Variants in USP49 observed in about 807,000 individuals in gnomAD.
The protein encoded by USP49 is ubiquitin carboxyl-terminal hydrolase 49.
In USP49, 24 loss-of-function variants were observed where a neutral mutation model predicts 58.6. That is an observed-to-expected ratio of 0.41 (90% CI 0.30 to 0.58). The LOEUF (loss-of-function observed/expected upper bound fraction) is 0.58, where lower values mean the gene tolerates loss of function less well. Ranked by LOEUF, USP49 falls within the 20% of genes least tolerant of loss-of-function variation. USP49 has a pLI of 0.30. For synonymous variants in USP49, 408 were observed against 365.1 expected (o/e 1.12, Z -1.34); for missense variants, 703 against 866.1 (o/e 0.81, Z 2.36).
At chr6:41,802,258 G>C (rs977876473) in intron 5 of USP49, among the ~76,000 whole-genome samples, 6 of 151,762 alleles carry the variant, frequency 4.0e-5, no homozygotes, top group Non-Finnish European at 8.8e-5. Context: ...CTGGCTTCAG[G>C]CAATCCTCCT....
chr6:41,824,321 G>A (rs1042582820), intron 3 of USP49, among the ~76,000 whole-genome samples: 19 of 151,906 alleles, frequency 1.3e-4, no homozygotes, highest in African/African-American at 4.4e-4. Flanking sequence ...AAATTTGAGG[G>A]TTTTTCTAAT....
chr6:41,866,983 GAA>G (rs995975662), intron 3 of USP49, among the ~76,000 whole-genome samples: 1 of 152,164 alleles, frequency 6.6e-6, no homozygotes, highest in African/African-American at 2.4e-5. Context: ...AAGATGGAGA[GAA>G]AAAGAGAAAA....
At chr6:41,885,263 CAG>C (rs1774688877) in intron 2 of USP49, among the ~76,000 whole-genome samples, 2 of 152,184 alleles carry the variant, frequency 1.3e-5, no homozygotes, top group Non-Finnish European at 2.9e-5. Flanking sequence ...GCATTCAGTG[CAG>C]AGTGACATGT....
chr6:41,807,077 T>TAA (rs11393933), intron 3 of USP49, 66 bp from the exon 4 acceptor site: 41,396 of 1,028,056 alleles, frequency 0.04, 5 homozygotes, highest in South Asian at 0.046. Context: ...ATATTTTCCT[T>TAA]AAAAAAAAAA....
intron 3 of USP49, among the ~76,000 whole-genome samples, chr6:41,871,056 T>C (rs569149765): frequency 1.0e-3 from 157 of 151,844 alleles, no homozygotes; most frequent in African/African-American, 3.6e-3. Context: ...ATCTCAAAAC[T>C]AAATAAATAA....
chr6:41,892,370 T>G (rs1056854117), intron 1 of USP49, among the ~76,000 whole-genome samples: 2 of 152,196 alleles, frequency 1.3e-5, no homozygotes, highest in African/African-American at 4.8e-5. Flanking sequence ...AAAAAGAATA[T>G]GCACACACAT....
At chr6:41,843,859 C>A (rs1231056523) in intron 3 of USP49, among the ~76,000 whole-genome samples, 1 of 152,126 alleles carries the variant, frequency 6.6e-6, no homozygotes, top group African/African-American at 2.4e-5. Flanking sequence ...GCCTGGCCAA[C>A]ATAGTGAAAC....
chr6:41,865,146 G>A (rs909594087), intron 3 of USP49, among the ~76,000 whole-genome samples: 22 of 152,116 alleles, frequency 1.4e-4, no homozygotes, highest in Admixed American at 1.3e-3. Flanking sequence ...CTGGGTTCAG[G>A]CAATTCTCCT....
At chr6:41,808,725 T>G (rs1773189520) in intron 3 of USP49, among the ~76,000 whole-genome samples, 1 of 152,052 alleles carries the variant, frequency 6.6e-6, no homozygotes, top group African/African-American at 2.4e-5. Flanking sequence ...ACAACTATTT[T>G]AAAAGAAAAC....
chr6:41,876,127 T>C (rs940158679), intron 2 of USP49, among the ~76,000 whole-genome samples: 1 of 152,152 alleles, frequency 6.6e-6, no homozygotes, highest in Non-Finnish European at 1.5e-5. Context: ...AAGCAAAACA[T>C]ATTGTTATGT....
rs1447769982 is a variant in USP49 at position 41,803,908 on chromosome 6, C to G, written c.1459G>C (p.Val487Leu). The G allele has an allele frequency of 1.9e-6, 3 of 1,614,056 alleles. No homozygotes were observed. In the African/African-American group the frequency reaches 4.0e-5, roughly 22 times the overall value. The change falls in exon 5 of 8, where the codon GTC becomes CTC. Residue 487 changes from valine (V) to leucine (L), a missense_variant. Around this residue, in one of 6 missense-constraint regions of USP49, gnomAD observed 158 missense variants for 241.2 expected, o/e 0.66. Coordinates refer to ENST00000682992, the MANE Select transcript of USP49 (RefSeq NM_001286554.2). This position sits in a 1 kb window ranked among gnomAD's most constrained non-coding sequence, Gnocchi z 4.1. ...AAGCACTCTGTTTGATTCAAAGGGA[C>G]AAACCCCTTTTCTATGCAGTGATAG... The part of the protein sequence containing the change: ...ERYHCIEKGF[V>L]PLNQTECLLT...
intron 2 of USP49, among the ~76,000 whole-genome samples, chr6:41,890,217 A>C (rs1017099581): frequency 6.6e-5 from 10 of 152,022 alleles, no homozygotes; most frequent in Non-Finnish European, 1.2e-4. Context: ...GTCTCTACTA[A>C]AAATACAAAA....
intron 3 of USP49, among the ~76,000 whole-genome samples, chr6:41,819,819 T>G (rs1773422923): frequency 6.6e-6 from 1 of 152,214 alleles, no homozygotes; most frequent in Non-Finnish European, 1.5e-5. Context: ...AAAATACTCT[T>G]GCTAAAAGAA....
At chr6:41,818,562 A>G (rs1773397352) in intron 3 of USP49, among the ~76,000 whole-genome samples, 1 of 152,156 alleles carries the variant, frequency 6.6e-6, no homozygotes, top group African/African-American at 2.4e-5. Flanking sequence ...CAAGCATGAC[A>G]TGCATTTTGA....
Position 41,806,318 on chromosome 6 carries a change from A to G in USP49, c.666T>C (p.Ala222=), listed in dbSNP as rs1473359152. Residue 222 remains alanine, a synonymous_variant, in exon 4 of 8, where the codon GCT becomes GCC. Transcript: ENST00000682992. The surrounding 1 kb of genome is among the most constrained non-coding windows in gnomAD (Gnocchi z 5.9). ...TAGGGAGGGCGGCGGGGCGCGAGGC[A>G]GCCGGGCCCGCGTCGCGGGGCGTGT... ...LLHTPRDAGP[A]ASRPAALPTS... 4 of 1,557,592 alleles carry G rather than the reference A, an allele frequency of 2.6e-6. No individual in the cohort carries two copies. Among genetic ancestry groups the G allele is most frequent in the South Asian group, 2.4e-5 (2 of 84,742 alleles).
At chr6:41,883,062 AG>A (rs1774640483) in intron 2 of USP49, among the ~76,000 whole-genome samples, 1 of 152,186 alleles carries the variant, frequency 6.6e-6, no homozygotes, top group Non-Finnish European at 1.5e-5. Context: ...AGAAAAATAC[AG>A]GAAACAAAGG....
At chr6:41,823,408 T>C (rs1773483801) in intron 3 of USP49, among the ~76,000 whole-genome samples, 1 of 152,212 alleles carries the variant, frequency 6.6e-6, no homozygotes, top group African/African-American at 2.4e-5. Context: ...GGAAGTAAGA[T>C]TTAGAGATAG....
chr6:41,853,479 C>G (rs891142283), intron 3 of USP49, among the ~76,000 whole-genome samples: 4 of 152,104 alleles, frequency 2.6e-5, no homozygotes, highest in Non-Finnish European at 5.9e-5. Context: ...TGCAAATATA[C>G]TAAATACTAG....
chr6:41,850,631 A>C (rs1484209485), intron 3 of USP49, among the ~76,000 whole-genome samples: 3 of 149,670 alleles, frequency 2.0e-5, no homozygotes, highest in Non-Finnish European at 4.5e-5. Context: ...TTTGAGACAG[A>C]GTCTCATTCT....
Sources: gnomAD v4.1 joint callset for allele counts (sites outside exome capture counted in the v4.1 genomes callset) on GRCh38, gnomAD v4.1.1 for gene constraint, gnomAD v4.1.1 regional missense constraint, Gnocchi (gnomAD v3.1) non-coding constraint, MANE v1.5 for transcripts, NCBI Gene and HGNC (gene_info 2026-07-23, HGNC 2026-07-21) for gene names.